Variants in EPN2 observed in about 807,000 individuals in gnomAD.
The protein encoded by EPN2 is epsin 2, also known as epsin-2.
EPN2 carries 34 observed loss-of-function variants against 61.7 expected under a neutral mutation model. That is an observed-to-expected ratio of 0.55 (90% CI 0.42 to 0.73). The LOEUF is 0.73. EPN2 is among the 30% of genes least tolerant of loss of function. EPN2 has a pLI of 0.00. For missense variants in EPN2, 714 were observed against 839.2 expected, an observed-to-expected ratio of 0.85 and a Z score of 1.84; for synonymous variants, 349 against 353.6, an observed-to-expected ratio of 0.99 and a Z score of 0.15.
chr17:19,333,814 G>C, intron 10 of EPN2, 142 bp from the exon 11 acceptor site: 1 of 576,284 alleles, frequency 1.7e-6, no homozygotes, highest in Non-Finnish European at 3.0e-6. Flanking sequence ...ATTTGCTAGT[G>C]TCTGCCATGG....
At chr17:19,255,403 C>A in intron 1 of EPN2, among the ~76,000 whole-genome samples, 1 of 150,660 alleles carries the variant, frequency 6.6e-6, no homozygotes, top group East Asian at 1.9e-4. Flanking sequence ...TCCTCCACCC[C>A]CTATTTCCTT....
chr17:19,242,889 C>A (rs2044900422), intron 1 of EPN2, among the ~76,000 whole-genome samples: 1 of 152,178 alleles, frequency 6.6e-6, no homozygotes, highest in Admixed American at 6.6e-5. Flanking sequence ...TGGTCCCACC[C>A]CTCTTAGGTA....
intron 7 of EPN2, among the ~76,000 whole-genome samples, chr17:19,327,895 C>T (rs954921030): frequency 6.6e-6 from 1 of 152,160 alleles, no homozygotes; most frequent in African/African-American, 2.4e-5. Flanking sequence ...GGTGTCTGAA[C>T]ACTTGCAGTG....
intron 1 of EPN2, among the ~76,000 whole-genome samples, chr17:19,258,904 C>T (rs565917025): frequency 6.6e-6 from 1 of 152,324 alleles, no homozygotes. Context: ...GCCGACGGCC[C>T]ACCACGTGTG....
intron 1 of EPN2, among the ~76,000 whole-genome samples, chr17:19,261,907 G>T (rs144658770): frequency 2.6e-5 from 4 of 152,320 alleles, no homozygotes; most frequent in African/African-American, 9.6e-5. Flanking sequence ...AGTTTTATTG[G>T]CTGGGAGTGG....
intron 1 of EPN2, among the ~76,000 whole-genome samples, chr17:19,256,619 C>T (rs372059445): frequency 2.0e-5 from 3 of 151,986 alleles, no homozygotes; most frequent in African/African-American, 7.2e-5. Flanking sequence ...GATTATATAG[C>T]GTCCAGTGGT....
At chr17:19,276,564 A>G (rs2045307620) in intron 1 of EPN2, 1 of 151,792 alleles carries the variant, frequency 6.6e-6, no homozygotes, top group South Asian at 2.1e-4. Flanking sequence ...TTTGCCTTGA[A>G]TAATGAATCT....
intron 7 of EPN2, among the ~76,000 whole-genome samples, chr17:19,326,564 G>A (rs1419913170): frequency 6.6e-6 from 1 of 151,446 alleles, no homozygotes; most frequent in Non-Finnish European, 1.5e-5. Flanking sequence ...GTGGGTGCCT[G>A]TAGTCCCAGC....
intron 1 of EPN2, among the ~76,000 whole-genome samples, chr17:19,268,058 A>G (rs928025457): frequency 2.6e-5 from 4 of 152,062 alleles, no homozygotes; most frequent in East Asian, 1.9e-4. Flanking sequence ...ATTCCCAGCT[A>G]CCTTAGTGGC....
chr17:19,301,435 A>T (rs911070119), intron 4 of EPN2, among the ~76,000 whole-genome samples: 1 of 152,204 alleles, frequency 6.6e-6, no homozygotes, highest in African/African-American at 2.4e-5. Context: ...ATGTGGCAGC[A>T]TGACACACTA....
chr17:19,247,003 C>G (rs781378484), intron 1 of EPN2, among the ~76,000 whole-genome samples: 2 of 152,016 alleles, frequency 1.3e-5, no homozygotes, highest in African/African-American at 2.4e-5. Context: ...ATCTCCTGAC[C>G]TCGTGATCTG....
chr17:19,278,574 CGTG>C (rs2045331583), intron 1 of EPN2, among the ~76,000 whole-genome samples: 1 of 152,326 alleles, frequency 6.6e-6, no homozygotes, highest in African/African-American at 2.4e-5. Flanking sequence ...TTCCACAACA[CGTG>C]GGAATTCTGG....
chr17:19,325,067 C>G (rs1428019371), intron 7 of EPN2, among the ~76,000 whole-genome samples: 2 of 152,086 alleles, frequency 1.3e-5, no homozygotes. Flanking sequence ...AATAAAAAAC[C>G]TATAAATAGA....
At chr17:19,243,989 C>T (rs1227245235) in intron 1 of EPN2, among the ~76,000 whole-genome samples, 1 of 152,142 alleles carries the variant, frequency 6.6e-6, no homozygotes, top group Non-Finnish European at 1.5e-5. Context: ...AAAAATGACA[C>T]TGAAATGTTT....
intron 1 of EPN2, among the ~76,000 whole-genome samples, chr17:19,271,201 A>T (rs1467554571): frequency 1.3e-5 from 2 of 152,190 alleles, no homozygotes; most frequent in African/African-American, 4.8e-5. Flanking sequence ...AAACAGGCAC[A>T]TAAGAAATGT....
At chr17:19,246,674 GCC>G (rs912433913) in intron 1 of EPN2, among the ~76,000 whole-genome samples, 32 of 144,226 alleles carry the variant, frequency 2.2e-4, no homozygotes, top group South Asian at 4.4e-4. Context: ...GGCCCCTTCC[GCC>G]CCCCCCAAAA....
chr17:19,268,419 A>G (rs1418709158), intron 1 of EPN2, among the ~76,000 whole-genome samples: 1 of 152,088 alleles, frequency 6.6e-6, no homozygotes, highest in East Asian at 1.9e-4. Flanking sequence ...GTATAGTGGC[A>G]TGATCATGGC....
chr17:19,263,812 T>G (rs933506517), intron 1 of EPN2, among the ~76,000 whole-genome samples: 4 of 152,168 alleles, frequency 2.6e-5, no homozygotes, highest in African/African-American at 9.7e-5. Flanking sequence ...GGCCTTGGGC[T>G]TATGTTTTCC....
chr17:19,270,530 A>C (rs548125309), intron 1 of EPN2, among the ~76,000 whole-genome samples: 6 of 152,194 alleles, frequency 3.9e-5, no homozygotes, highest in Non-Finnish European at 8.8e-5. Flanking sequence ...CCCTGTGGAC[A>C]TTGCACCTTG....
Sources: gnomAD v4.1 joint callset for allele counts (sites outside exome capture counted in the v4.1 genomes callset) on GRCh38, gnomAD v4.1.1 for gene constraint, MANE v1.5 for transcripts, NCBI Gene and HGNC (gene_info 2026-07-23, HGNC 2026-07-21) for gene names.